The following MCC variants were observed in gnomAD, a reference collection of about 807,000 sequenced individuals.
MCC encodes the protein MCC regulator of Wnt signaling pathway, also known as colorectal mutant cancer protein.
Under a neutral mutation model 116.2 loss-of-function variants are expected in MCC, and 90 were observed. The ratio of observed to expected loss-of-function variants is 0.77; its 90% CI spans 0.65 to 0.92. The LOEUF (loss-of-function observed/expected upper bound fraction) is 0.92. MCC is among the 40% of genes least tolerant of loss of function. The pLI, the probability that MCC is intolerant of heterozygous loss-of-function variation, is 0.00. For synonymous variants in MCC, 578 were observed against 510.5 expected (o/e 1.13, Z -1.78); for missense variants, 1,516 against 1,312.2 (o/e 1.16, Z -2.40).
chr5:113,398,041 T>G (rs1398820868), intron 1 of MCC, among the ~76,000 whole-genome samples: 3 of 152,172 alleles, frequency 2.0e-5, no homozygotes, highest in African/African-American at 7.2e-5. Context: ...GAACAGACAC[T>G]TCTCAAAAGA....
chr5:113,168,056 G>A (rs775284497), intron 3 of MCC, among the ~76,000 whole-genome samples: 42 of 152,118 alleles, frequency 2.8e-4, no homozygotes, highest in Admixed American at 1.6e-3. Context: ...TTGTATGTCC[G>A]TGAAGAAAAA....
chr5:113,116,576 G>A (rs563376625), intron 6 of MCC, among the ~76,000 whole-genome samples: 6 of 152,324 alleles, frequency 3.9e-5, no homozygotes, highest in African/African-American at 1.4e-4. Context: ...TTGAGTAAAT[G>A]CTGTAGATTA....
At chr5:113,443,147 C>T (rs1440546652) in intron 1 of MCC, among the ~76,000 whole-genome samples, 2 of 149,370 alleles carry the variant, frequency 1.3e-5, no homozygotes, top group African/African-American at 2.6e-5. Flanking sequence ...AATGTTTTTC[C>T]ATTTGTTTGT....
chr5:113,052,109 G>T (rs533178709), intron 15 of MCC, among the ~76,000 whole-genome samples: 1 of 139,840 alleles, frequency 7.2e-6, no homozygotes, highest in East Asian at 2.3e-4. Context: ...TTTTCAAGTG[G>T]CAAAGGGAGT....
intron 11 of MCC, among the ~76,000 whole-genome samples, chr5:113,079,050 C>A (rs537499181): frequency 6.6e-6 from 1 of 152,260 alleles, no homozygotes; most frequent in East Asian, 1.9e-4. Flanking sequence ...GAGTGGACTC[C>A]CATTCACAAC....
intron 3 of MCC, among the ~76,000 whole-genome samples, chr5:113,155,734 T>C (rs1760136087): frequency 6.6e-6 from 1 of 152,208 alleles, no homozygotes; most frequent in South Asian, 2.1e-4. Context: ...AAATGTTCCA[T>C]GAACCAAAGA....
At chr5:113,430,234 TAA>T (rs1770592290) in intron 1 of MCC, among the ~76,000 whole-genome samples, 1 of 152,240 alleles carries the variant, frequency 6.6e-6, no homozygotes, top group African/African-American at 2.4e-5. Context: ...CAATCTTTCA[TAA>T]GTTTTGTTAA....
intron 3 of MCC, among the ~76,000 whole-genome samples, chr5:113,155,113 A>G (rs544552638): frequency 6.6e-6 from 1 of 152,320 alleles, no homozygotes; most frequent in Admixed American, 6.5e-5. Context: ...TTTAGCTCCC[A>G]GTATGAGTAA....
chr5:113,261,100 T>C (rs1765204508), intron 3 of MCC, among the ~76,000 whole-genome samples: 1 of 152,142 alleles, frequency 6.6e-6, no homozygotes, highest in African/African-American at 2.4e-5. Flanking sequence ...CCATCCTAAG[T>C]TCAAAATACT....
At chr5:113,266,944 G>A (rs1329262826) in intron 3 of MCC, among the ~76,000 whole-genome samples, 2 of 152,156 alleles carry the variant, frequency 1.3e-5, no homozygotes, top group African/African-American at 2.4e-5. Flanking sequence ...TCATTTTCTT[G>A]TTAAAATAAG....
At chr5:113,293,627 G>A (rs1000536574) in intron 3 of MCC, among the ~76,000 whole-genome samples, 1 of 152,164 alleles carries the variant, frequency 6.6e-6, no homozygotes, top group Non-Finnish European at 1.5e-5. Context: ...TCACACATTT[G>A]CATAGTGTTT....
At chr5:113,425,102 G>A (rs1475511414) in intron 1 of MCC, among the ~76,000 whole-genome samples, 1 of 152,062 alleles carries the variant, frequency 6.6e-6, no homozygotes, top group Non-Finnish European at 1.5e-5. Flanking sequence ...TTAAAGACAT[G>A]AAATATCAGA....
At chr5:113,068,369 A>G (rs1453953616) in intron 12 of MCC, among the ~76,000 whole-genome samples, 186 bp from the exon 13 acceptor site, 1 of 152,136 alleles carries the variant, frequency 6.6e-6, no homozygotes, top group African/African-American at 2.4e-5. Context: ...TGGCCTTTTT[A>G]TTTTTAAACC....
At chr5:113,133,278 T>C (rs966280198) in intron 5 of MCC, among the ~76,000 whole-genome samples, 1 of 152,138 alleles carries the variant, frequency 6.6e-6, no homozygotes, top group Non-Finnish European at 1.5e-5. Flanking sequence ...TCAACCTCTC[T>C]TCATCCCCCT....
chr5:113,273,872 C>T (rs1396675101), intron 3 of MCC, among the ~76,000 whole-genome samples: 2 of 152,166 alleles, frequency 1.3e-5, no homozygotes, highest in African/African-American at 4.8e-5. Flanking sequence ...AAGCATTATG[C>T]TCTGTTCCTG....
intron 3 of MCC, among the ~76,000 whole-genome samples, chr5:113,178,209 T>C (rs1188428235): frequency 6.6e-6 from 1 of 152,226 alleles, no homozygotes; most frequent in African/African-American, 2.4e-5. Context: ...TCTTGTCACT[T>C]AGACAGTTAA....
intron 11 of MCC, among the ~76,000 whole-genome samples, chr5:113,073,004 C>T (rs1466079309): frequency 6.6e-6 from 1 of 152,152 alleles, no homozygotes; most frequent in Non-Finnish European, 1.5e-5. Context: ...CTAGACCAAG[C>T]TTGTCCAACC....
At chr5:113,132,641 T>C (rs1207291076) in intron 5 of MCC, among the ~76,000 whole-genome samples, 2 of 152,140 alleles carry the variant, frequency 1.3e-5, no homozygotes, top group Non-Finnish European at 2.9e-5. Flanking sequence ...CTTTACTTAA[T>C]GAAGTAATCC....
intron 1 of MCC, among the ~76,000 whole-genome samples, chr5:113,401,140 T>G (rs748510819): frequency 9.9e-5 from 15 of 152,228 alleles, no homozygotes; most frequent in Non-Finnish European, 1.9e-4. Flanking sequence ...TCCAGAATAG[T>G]TATTCCTTCA....
Sources: gnomAD v4.1 joint callset for allele counts (sites outside exome capture counted in the v4.1 genomes callset) on GRCh38, gnomAD v4.1.1 for gene constraint, MANE v1.5 for transcripts, NCBI Gene and HGNC (gene_info 2026-07-23, HGNC 2026-07-21) for gene names.